ADGRD1: variants seen among roughly 807,000 people sequenced by gnomAD.
The protein encoded by ADGRD1 is G-protein coupled receptor 133.
In ADGRD1, 77 loss-of-function variants were observed where a neutral mutation model predicts 113.4. That is an observed-to-expected ratio of 0.68 (90% CI 0.57 to 0.82). The LOEUF is 0.82. ADGRD1 is among the 40% of genes least tolerant of loss of function. The pLI is 0.00. For synonymous variants in ADGRD1, 474 were observed against 475.0 expected (o/e 1.00, Z 0.03); for missense variants, 1,036 against 1,139.1 (o/e 0.91, Z 1.30).
chr12:131,028,584 C>T (rs941558745), intron 13 of ADGRD1, among the ~76,000 whole-genome samples: 3 of 152,158 alleles, frequency 2.0e-5, no homozygotes, highest in Non-Finnish European at 2.9e-5. Context: ...CGTGTTTGGG[C>T]CTGTGGTCCT....
chr12:131,139,534 C>T lies in ADGRD1; in HGVS notation c.*271C>T. 3 of 424,588 alleles carry T rather than the reference C, an allele frequency of 7.1e-6. No homozygotes were observed. The highest frequency in any genetic ancestry group is 8.8e-6 in the Non-Finnish European group (2 of 227,938). The allele number at this position is 424,588 out of a possible 1,614,324, so 26.3% of individuals were successfully genotyped here. ...TCGGGGGATTCCCAGGACACAGTGG[C>T]CTGACTGTGATGGTGCCCTTGAGCC... On this transcript the variant is annotated 3_prime_UTR_variant, in exon 25 of 25. Coordinates refer to ENST00000261654, the MANE Select transcript of ADGRD1 (RefSeq NM_198827.5).
intron 5 of ADGRD1, among the ~76,000 whole-genome samples, chr12:130,982,609 A>C (rs1354491403): frequency 2.6e-5 from 4 of 152,074 alleles, no homozygotes; most frequent in Admixed American, 2.0e-4. Flanking sequence ...GCTTTTGGAG[A>C]GAGAGGCTGA....
At chr12:131,012,009 G>T (rs1017990097) in intron 12 of ADGRD1, among the ~76,000 whole-genome samples, 1 of 152,190 alleles carries the variant, frequency 6.6e-6, no homozygotes, top group African/African-American at 2.4e-5. Flanking sequence ...ACTTTCTGCG[G>T]TGGGGACTGA....
At chr12:131,062,299 CAAT>C (rs1336425553) in intron 13 of ADGRD1, among the ~76,000 whole-genome samples, 2 of 152,164 alleles carry the variant, frequency 1.3e-5, no homozygotes, top group Non-Finnish European at 2.9e-5. Context: ...GACCAAACCA[CAAT>C]TTGTTTGACC....
At chr12:130,959,298 G>A (rs943840156) in intron 2 of ADGRD1, among the ~76,000 whole-genome samples, 1 of 152,212 alleles carries the variant, frequency 6.6e-6, no homozygotes, top group East Asian at 1.9e-4. Flanking sequence ...TTGGGCTGGC[G>A]CAGTGGCTCA....
intron 13 of ADGRD1, among the ~76,000 whole-genome samples, chr12:131,020,146 C>T (rs367561269): frequency 0.019 from 670 of 35,414 alleles, 7 homozygotes; most frequent in African/African-American, 0.056. Flanking sequence ...AGGGGGTGCT[C>T]GAGGGAGATA....
intron 15 of ADGRD1, among the ~76,000 whole-genome samples, chr12:131,097,950 C>T (rs1048807876): frequency 1.7e-4 from 26 of 152,310 alleles, no homozygotes; most frequent in Middle Eastern, 6.8e-3. Flanking sequence ...CTGGGGTGGG[C>T]GAAGGGGCCA....
chr12:131,125,131 C>T (rs971383173), intron 20 of ADGRD1, among the ~76,000 whole-genome samples: 1 of 152,182 alleles, frequency 6.6e-6, no homozygotes, highest in Non-Finnish European at 1.5e-5. Context: ...TTAAAGCTCA[C>T]CCTAGTGACC....
At chr12:131,088,525 G>A (rs1006814857) in intron 15 of ADGRD1, among the ~76,000 whole-genome samples, 3 of 152,192 alleles carry the variant, frequency 2.0e-5, no homozygotes, top group Admixed American at 6.5e-5. Flanking sequence ...AGGGTGGAGA[G>A]GATGGAGCCT....
At chr12:131,085,246 G>A (rs763399368) in intron 15 of ADGRD1, among the ~76,000 whole-genome samples, 4 of 152,222 alleles carry the variant, frequency 2.6e-5, no homozygotes, top group Admixed American at 1.3e-4. Flanking sequence ...ACGGAGCGGT[G>A]AGGAGAGGTG....
intron 13 of ADGRD1, among the ~76,000 whole-genome samples, chr12:131,025,277 AG>A (rs1191269551): frequency 6.6e-6 from 1 of 152,144 alleles, no homozygotes; most frequent in Non-Finnish European, 1.5e-5. Flanking sequence ...AGCGTTCTCT[AG>A]GGTTTTGGGG....
At position 131,003,917 on chromosome 12, in the gene ADGRD1, G is replaced by T. The variant is rs1013756922; in HGVS notation, c.1145-269G>T. ...CTTGCACCGGCCTTGAGAGCTGGGG[G>T]CTGTGCTGGGGCGGAGGGCGCCCCA... On this transcript the variant is annotated intron_variant, in intron 10 of 24. Transcript: ENST00000261654. The surrounding 1 kb of genome is among the most constrained non-coding windows in gnomAD (Gnocchi z 4.8). Among the ~76,000 whole-genome samples, 5 of 152,150 alleles carry T rather than the reference G, an allele frequency of 3.3e-5. No individual in the cohort carries two copies. Among genetic ancestry groups the T allele is most frequent in the South Asian group, 2.1e-4 (1 of 4,824 alleles).
At chr12:131,000,871 G>A (rs1214310388) in intron 9 of ADGRD1, among the ~76,000 whole-genome samples, 1 of 151,832 alleles carries the variant, frequency 6.6e-6, no homozygotes, top group African/African-American at 2.4e-5. Flanking sequence ...TCCACAAAAA[G>A]AATGATGTAT....
At chr12:131,046,129 A>T (rs1882696976) in intron 13 of ADGRD1, among the ~76,000 whole-genome samples, 1 of 137,714 alleles carries the variant, frequency 7.3e-6, no homozygotes, top group South Asian at 2.5e-4. Flanking sequence ...CTCCCTGGTC[A>T]GTGCTCCCTC....
chr12:131,017,441 T>C, intron 13 of ADGRD1, among the ~76,000 whole-genome samples: 1 of 130,184 alleles, frequency 7.7e-6, no homozygotes, highest in Admixed American at 7.8e-5. Context: ...ACACACCCAG[T>C]CCACATACAC....
chr12:131,094,073 C>T (rs1887110054), intron 15 of ADGRD1, among the ~76,000 whole-genome samples: 1 of 150,696 alleles, frequency 6.6e-6, no homozygotes. Flanking sequence ...CCTCGGCACC[C>T]AGCCCTGAGC....
At chr12:131,048,011 C>T (rs554766842) in intron 13 of ADGRD1, among the ~76,000 whole-genome samples, 1 of 152,208 alleles carries the variant, frequency 6.6e-6, no homozygotes, top group Non-Finnish European at 1.5e-5. Context: ...GTGGCAGAGG[C>T]AGAGTGTCGG....
At chr12:131,107,739 G>T (rs1950265618) in intron 17 of ADGRD1, among the ~76,000 whole-genome samples, 2 of 152,224 alleles carry the variant, frequency 1.3e-5, no homozygotes, top group Admixed American at 1.3e-4. Context: ...GGGTTGCTGA[G>T]CCAACAAAAA....
chr12:131,047,749 C>A (rs1030481108), intron 13 of ADGRD1, among the ~76,000 whole-genome samples: 1 of 152,184 alleles, frequency 6.6e-6, no homozygotes, highest in African/African-American at 2.4e-5. Flanking sequence ...CTCAGCATTT[C>A]TTGGAAGACG....
Sources: allele counts gnomAD v4.1 joint callset (sites outside exome capture counted in the v4.1 genomes callset), GRCh38; gene constraint gnomAD v4.1.1; non-coding constraint Gnocchi (gnomAD v3.1); transcripts MANE v1.5; gene names NCBI Gene and HGNC (gene_info 2026-07-23, HGNC 2026-07-21).